The following KRT84 variants were observed in gnomAD, a reference collection of about 807,000 sequenced individuals.
The protein encoded by KRT84 is keratin, type II cuticular Hb4.
In KRT84, 38 loss-of-function variants were observed where a neutral mutation model predicts 49.0. The ratio of observed to expected loss-of-function variants is 0.78; its 90% CI spans 0.60 to 1.02. The LOEUF is 1.02. Among genes scored for constraint, KRT84 ranks in the 50% least tolerant of loss-of-function variants. The pLI is 0.00. For synonymous variants in KRT84, 334 were observed against 312.8 expected, an observed-to-expected ratio of 1.07 and a Z score of -0.72; for missense variants, 860 against 788.6, an observed-to-expected ratio of 1.09 and a Z score of -1.08.
Position 52,378,039 on chromosome 12 carries a change from A to G in KRT84, c.1798T>C (p.Tyr600His). Residue 600 changes from tyrosine (Y) to histidine (H), a missense_variant, in exon 9 of 9, where the codon TAC becomes CAC. Coordinates refer to ENST00000257951, the MANE Select transcript of KRT84 (RefSeq NM_033045.4). Reference protein sequence around the residue: ...VSTTTSCRTKY With the variant: ...VSTTTSCRTKH ...AGCTGTCTGGGGCTGGGCTCTCAGT[A>G]CTTGGTCCGGCAGGAGGTGGTGGTG... is the stretch of plus-strand genomic sequence containing the variant. The G allele has an allele frequency of 6.8e-7, 1 of 1,469,106 alleles. No homozygotes were observed. Among genetic ancestry groups the G allele is most frequent in the Non-Finnish European group, 9.0e-7 (1 of 1,111,960 alleles). The allele number at this position is 1,469,106 out of a possible 1,614,324, so 91.0% of individuals were successfully genotyped here.
chr12:52,378,847 C>T (rs1257315950), intron 8 of KRT84, among the ~76,000 whole-genome samples: 1 of 152,220 alleles, frequency 6.6e-6, no homozygotes, highest in African/African-American at 2.4e-5. Context: ...TCCCTTGTCG[C>T]CTCTCTCCTG....
rs1939522373 is a variant in KRT84, at chr12:52,383,629, C to T, written c.716G>A (p.Arg239Lys). ...VSDQARLQAE[R>K]NHLQDVLEGF... Reference sequence around the variant, plus strand: ...CTCTAGGACATCCTGCAGGTGGTTCCTCTCAGCCTGGAGCCGGGCCTGATC... The same window carrying T: ...CTCTAGGACATCCTGCAGGTGGTTCTTCTCAGCCTGGAGCCGGGCCTGATC... Residue 239 changes from arginine (R) to lysine (K), a missense_variant, in exon 2 of 9, where the codon AGG becomes AAG. Coordinates refer to ENST00000257951, the MANE Select transcript of KRT84 (RefSeq NM_033045.4). 1.2e-6 allele frequency: 2 copies of T among 1,613,798 alleles called. No individual in the cohort carries two copies. The highest frequency in any genetic ancestry group is 2.2e-5 in the South Asian group (2 of 91,054).
rs1318838592 is a variant in KRT84, at chr12:52,381,438, T to TGATCC, written c.995_999dup (p.Ile334GlyfsTer34). 4 of 1,614,066 alleles carry TGATCC rather than the reference T, an allele frequency of 2.5e-6. No homozygotes were observed. The Admixed American group carries it at 5.0e-5, about 20-fold the overall frequency. ...TCATACTGGGCCTTGACCTCAGCAA[T>TGATCC]GATCCCATCAAGGTTCAGGTCACGG... On this transcript the variant is annotated frameshift_variant, in exon 5 of 9. Coordinates refer to ENST00000257951, the MANE Select transcript of KRT84 (RefSeq NM_033045.4). LOFTEE classifies it high-confidence loss of function.
chr12:52,377,937 G>T lies in KRT84; in HGVS notation c.*97C>A. On this transcript the variant is annotated 3_prime_UTR_variant, in exon 9 of 9. Transcript: ENST00000257951. ...TGGCTTCCTGGCAGAAAGGGGAGCT[G>T]GAGACCGTCAAGCCCAGAGCCCACG... The T allele has an allele frequency of 1.1e-6, 1 of 912,410 alleles. No homozygotes were observed. The highest frequency in any genetic ancestry group is 1.5e-6 in the Non-Finnish European group (1 of 657,470). The allele number at this position is 912,410 out of a possible 1,614,324, so 56.5% of individuals were successfully genotyped here.
Position 52,378,163 on chromosome 12 carries a change from G to C in KRT84, c.1674C>G (p.Ile558Met). 6.3e-7 allele frequency: 1 copy of C among 1,576,154 alleles called. No individual in the cohort carries two copies. Among genetic ancestry groups the C allele is most frequent in the Non-Finnish European group, 8.6e-7 (1 of 1,162,344 alleles). Residue 558 changes from isoleucine to methionine, a missense_variant, in exon 9 of 9, where the codon ATC becomes ATG. By Grantham distance (10) the Ile-to-Met change is conservative (BLOSUM62 1). Coordinates refer to ENST00000257951, the MANE Select transcript of KRT84 (RefSeq NM_033045.4). ...GGACGCTGGGGACACAGGCCTCGCT[G>C]ATGAGCATGGAGCCACTCCTTGTGC... ...STGTRSGSML[I>M]SEACVPSVPC...
At chr12:52,383,864 C>T in intron 1 of KRT84, 66 bp from the exon 2 acceptor site, 1 of 1,324,802 alleles carries the variant, frequency 7.5e-7, no homozygotes, top group Non-Finnish European at 1.1e-6. Flanking sequence ...TGACCAAGCT[C>T]TTGAGATGGC....
chr12:52,383,988 T>C (rs1939531645), intron 1 of KRT84, among the ~76,000 whole-genome samples, 190 bp from the exon 2 acceptor site: 1 of 152,240 alleles, frequency 6.6e-6, no homozygotes, highest in Non-Finnish European at 1.5e-5. Flanking sequence ...TGTGCTCGGC[T>C]AGGCCTAGTT....
chr12:52,381,312 A>T (rs966599327), intron 5 of KRT84, 49 bp downstream of exon 5: 2 of 1,612,526 alleles, frequency 1.2e-6, no homozygotes, highest in Admixed American at 1.7e-5. Flanking sequence ...GTTATATATG[A>T]GTCATTCCCA....
Position 52,385,490 on chromosome 12 carries a change from C to T in KRT84, c.96G>A (p.Arg32=). 1.2e-6 allele frequency: 2 copies of T among 1,614,224 alleles called. No homozygotes were observed. The highest frequency in any genetic ancestry group is 1.7e-6 in the Non-Finnish European group (2 of 1,180,048). Residue 32 remains arginine (R), a synonymous_variant, in exon 1 of 9, where the codon CGG becomes CGA. Transcript: ENST00000257951. The part of the protein sequence containing the change: ...AMTPQNLNRF[R]ANSVSCWSGP... Reference sequence around the variant, plus strand: ...CACTCCAACAGGAGACAGAGTTGGCCCGGAAGCGATTCAGGTTCTGTGGTG... The same window carrying T: ...CACTCCAACAGGAGACAGAGTTGGCTCGGAAGCGATTCAGGTTCTGTGGTG...
chr12:52,385,420 T>C lies in KRT84; in HGVS notation c.166A>G (p.Ile56Val). The C allele has an allele frequency of 1.2e-6, 2 of 1,614,136 alleles. No homozygotes were observed. Among genetic ancestry groups the C allele is most frequent in the Non-Finnish European group, 1.7e-6 (2 of 1,180,010 alleles). The change falls in exon 1 of 9, where the codon ATC (isoleucine) becomes GTC (valine). Residue 56 changes from isoleucine (I) to valine (V), a missense_variant. Ile to Val is a conservative substitution (Grantham distance 29). Coordinates refer to ENST00000257951, the MANE Select transcript of KRT84 (RefSeq NM_033045.4). ...CGGGGTGAGTACGATCCAAAGGTGATGACACTCCGACTACCAAAGCTGCCA... is the reference window on the plus strand; with the variant it reads ...CGGGGTGAGTACGATCCAAAGGTGACGACACTCCGACTACCAAAGCTGCCA... ...GLGSFGSRSV[I>V]TFGSYSPRIA...
In KRT84 at chr12:52,381,461, C is replaced by T. The variant is rs867746805; in HGVS notation, c.977G>A (p.Arg326His). The T allele has an allele frequency of 9.9e-6, 16 of 1,614,048 alleles. No individual in the cohort carries two copies. The highest frequency in any genetic ancestry group is 6.7e-5 in the African/African-American group (5 of 74,922). ...AATGATCCCATCAAGGTTCAGGTCA[C>T]GGCTGTTGTCCATCTTCACAATGAC... ...TSVIVKMDNS[R>H]DLNLDGIIAE... is the part of the protein sequence containing the mutation. The change falls in exon 5 of 9, where the codon CGT becomes CAT. Residue 326 changes from arginine (R) to histidine (H), a missense_variant. Physicochemically the swap from Arg to His is conservative, Grantham distance 29. Coordinates refer to ENST00000257951, the MANE Select transcript of KRT84 (RefSeq NM_033045.4).
At position 52,385,503 on chromosome 12, in the gene KRT84, A is replaced by G. The variant is rs765605194; in HGVS notation, c.83T>C (p.Leu28Pro). ...GACAGAGTTGGCCCGGAAGCGATTC[A>G]GGTTCTGTGGTGTCATTGCTGAACA... is the stretch of plus-strand genomic sequence containing the variant. The part of the protein sequence containing the change: ...SSCSAMTPQN[L>P]NRFRANSVSC... The change falls in exon 1 of 9, where the codon CTG becomes CCG. Residue 28 changes from leucine (L) to proline (P), a missense_variant. Physicochemically the swap from Leu to Pro is moderately conservative, Grantham distance 98 (BLOSUM62 -3). Transcript: ENST00000257951. 6.8e-6 allele frequency: 11 copies of G among 1,614,098 alleles called. No homozygotes were observed. Among genetic ancestry groups the G allele is most frequent in the African/African-American group, 1.3e-5 (1 of 74,946 alleles).
Position 52,383,072 on chromosome 12 carries a change from A to G in KRT84, c.756-7T>C. 6.2e-7 allele frequency: 1 copy of G among 1,613,052 alleles called. No homozygotes were observed. Among genetic ancestry groups the G allele is most frequent in the South Asian group, 1.1e-5 (1 of 91,052 alleles). The stretch of plus-strand genomic sequence containing the variant: ...TACCACTTCCTCTTCATACCTGATG[A>G]TAAAGGTTAAGAGGGTGAGTGCTTA... On this transcript the variant is annotated splice_region_variant and splice_polypyrimidine_tract_variant and intron_variant, in intron 2 of 8. Transcript: ENST00000257951.
intron 1 of KRT84, among the ~76,000 whole-genome samples, chr12:52,384,309 A>C (rs1939537655): frequency 6.6e-6 from 1 of 152,100 alleles, no homozygotes; most frequent in African/African-American, 2.4e-5. Context: ...CCAGCCCCTC[A>C]TTTTAGAGAG....
chr12:52,380,352 A>G lies in KRT84; in HGVS notation c.1424+11T>C, dbSNP rs951742303. The G allele has an allele frequency of 6.2e-7, 1 of 1,613,412 alleles. No homozygotes were observed. The highest frequency in any genetic ancestry group is 1.3e-5 in the African/African-American group (1 of 74,914). On this transcript the variant is annotated intron_variant, in intron 7 of 8. Transcript: ENST00000257951. ...CTGACTTCACTCTCCTGCTGGACTG[A>G]GAGTACTCACCGGCTCTCCTCGCCC...
rs2121433111 is a variant in KRT84, at chr12:52,379,921, G to T, written c.1425-14C>A. 1.2e-6 allele frequency: 2 copies of T among 1,609,560 alleles called. No individual in the cohort carries two copies. Among genetic ancestry groups the T allele is most frequent in the Non-Finnish European group, 1.7e-6 (2 of 1,176,198 alleles). On this transcript the variant is annotated splice_polypyrimidine_tract_variant and intron_variant, in intron 7 of 8. Transcript: ENST00000257951. ...CCTTCACAGAGCCTGGAAAGGGGAA[G>T]AAACAAATCATTTCACATGCACTAT...
chr12:52,378,114 C>T lies in KRT84; in HGVS notation c.1723G>A (p.Gly575Ser), dbSNP rs753555531. 2.6e-6 allele frequency: 4 copies of T among 1,529,034 alleles called. No individual in the cohort carries two copies. In the African/African-American group the frequency reaches 4.2e-5, roughly 16 times the overall value. 94.7% of individuals were successfully genotyped at this position (1,529,034 alleles called of 1,614,324 possible). ...SVPCPLPTQG[G>S]FSSCSGGRSS... ...CGGCCGCCGCTGCAGCTGCTGAAGC[C>T]CCCCTGGGTGGGCAGGGGGCAGGGG... is the stretch of plus-strand genomic sequence containing the variant. Residue 575 changes from glycine (G) to serine (S), a missense_variant, in exon 9 of 9, where the codon GGC becomes AGC. Coordinates refer to ENST00000257951, the MANE Select transcript of KRT84 (RefSeq NM_033045.4).
At position 52,378,161 on chromosome 12, in the gene KRT84, C is replaced by A; in HGVS notation, c.1676G>T (p.Ser559Ile). The A allele has an allele frequency of 1.3e-6, 2 of 1,576,766 alleles. No homozygotes were observed. Among genetic ancestry groups the A allele is most frequent in the Non-Finnish European group, 1.7e-6 (2 of 1,162,768 alleles). ...TGTRSGSMLISEACVPSVPCP... is the reference protein window; with the variant it reads ...TGTRSGSMLIIEACVPSVPCP... ...GGGGACGCTGGGGACACAGGCCTCG[C>A]TGATGAGCATGGAGCCACTCCTTGT... The change falls in exon 9 of 9, where the codon AGC becomes ATC. Residue 559 changes from serine (S) to isoleucine (I), a missense_variant. Physicochemically the swap from Ser to Ile is moderately radical, Grantham distance 142. Coordinates refer to ENST00000257951, the MANE Select transcript of KRT84 (RefSeq NM_033045.4).
intron 7 of KRT84, among the ~76,000 whole-genome samples, 167 bp downstream of exon 7, chr12:52,380,196 T>C (rs1009624162): frequency 6.6e-6 from 1 of 152,258 alleles, no homozygotes; most frequent in African/African-American, 2.4e-5. Context: ...GTCTAGAGCC[T>C]TCTTCTGATT....
Sources: gnomAD v4.1 joint callset for allele counts (sites outside exome capture counted in the v4.1 genomes callset) on GRCh38, gnomAD v4.1.1 for gene constraint, MANE v1.5 for transcripts, NCBI Gene and HGNC (gene_info 2026-07-23, HGNC 2026-07-21) for gene names.